The following CALN1 variants were observed in gnomAD, a reference collection of about 807,000 sequenced individuals.
CALN1 encodes calneuron 1.
A neutral mutation model predicts 30.6 loss-of-function variants in CALN1; 17 were observed. That is an observed-to-expected ratio of 0.56 (90% CI 0.38 to 0.83). The LOEUF is 0.83. Ranked by LOEUF, CALN1 falls within the 40% of genes least tolerant of loss-of-function variation. CALN1 has a pLI of 0.00. For missense variants in CALN1, 291 were observed against 354.9 expected, an observed-to-expected ratio of 0.82 and a Z score of 1.45; for synonymous variants, 156 against 131.4, an observed-to-expected ratio of 1.19 and a Z score of -1.28.
At chr7:72,022,632 G>A (rs1169687508) in intron 5 of CALN1, among the ~76,000 whole-genome samples, 2 of 152,136 alleles carry the variant, frequency 1.3e-5, no homozygotes, top group Non-Finnish European at 2.9e-5. Context: ...GGCCTCAAGC[G>A]ATCCTCCTGT....
intron 3 of CALN1, among the ~76,000 whole-genome samples, chr7:72,245,680 C>T (rs1403511855): frequency 6.6e-6 from 1 of 151,714 alleles, no homozygotes; most frequent in African/African-American, 2.4e-5. Context: ...AAAACAAGAT[C>T]AGAGATAGAA....
chr7:71,935,692 G>A (rs1859553), intron 5 of CALN1, among the ~76,000 whole-genome samples: 27,471 of 152,114 alleles, frequency 0.18, 2,530 homozygotes, highest in Middle Eastern at 0.22. Context: ...CTTGCACTCC[G>A]CCTGGGCAAC....
intron 3 of CALN1, among the ~76,000 whole-genome samples, chr7:72,209,894 T>C (rs1425854211): frequency 6.6e-6 from 1 of 152,208 alleles, no homozygotes; most frequent in Non-Finnish European, 1.5e-5. Context: ...GTGAAAATTG[T>C]CTGAGCTGTA....
intron 5 of CALN1, among the ~76,000 whole-genome samples, chr7:71,845,777 G>A (rs553030023): frequency 3.0e-4 from 45 of 152,128 alleles, no homozygotes; most frequent in African/African-American, 5.1e-4. Context: ...ACTCTCATCC[G>A]GGCACAGTGG....
chr7:72,070,727 C>T (rs1417059950), intron 4 of CALN1, among the ~76,000 whole-genome samples: 2 of 152,110 alleles, frequency 1.3e-5, no homozygotes, highest in East Asian at 3.9e-4. Context: ...ATGCTCTGTA[C>T]TTACAACATT....
chr7:72,416,734 C>CAAAA (rs4029798), upstream of CALN1, among the ~76,000 whole-genome samples: 1 of 77,690 alleles, frequency 1.3e-5, no homozygotes, highest in Non-Finnish European at 2.2e-5. Flanking sequence ...GACTCTGTCT[C>CAAAA]AAAAAAAAAA....
At chr7:72,337,235 C>A (rs1248387317) in intron 2 of CALN1, 18 of 985,140 alleles carry the variant, frequency 1.8e-5, no homozygotes, top group Non-Finnish European at 2.0e-5. Flanking sequence ...CAGCACCACA[C>A]TCCTCGCTCT....
At chr7:71,932,768 A>T (rs1282416303) in intron 5 of CALN1, among the ~76,000 whole-genome samples, 3 of 149,698 alleles carry the variant, frequency 2.0e-5, no homozygotes, top group Non-Finnish European at 4.4e-5. Context: ...GTGAGCCGAG[A>T]TCGCATCACT....
chr7:71,882,159 G>A (rs776870294), intron 5 of CALN1, among the ~76,000 whole-genome samples: 7 of 152,106 alleles, frequency 4.6e-5, no homozygotes, highest in Admixed American at 6.5e-5. Flanking sequence ...CCATTTCCTC[G>A]CTTCTTTCAG....
intron 1 of CALN1, among the ~76,000 whole-genome samples, chr7:72,438,632 C>T (rs1371941268): frequency 1.3e-5 from 2 of 152,266 alleles, no homozygotes; most frequent in South Asian, 2.1e-4. Flanking sequence ...GACCTCCTCC[C>T]TCAATCTGGC....
chr7:71,932,630 G>A (rs913394645), intron 5 of CALN1, among the ~76,000 whole-genome samples: 29 of 151,894 alleles, frequency 1.9e-4, no homozygotes, highest in African/African-American at 6.5e-4. Flanking sequence ...TGGCTAACAC[G>A]GTGAAACCCC....
At chr7:72,343,972 T>C (rs1802497719) in intron 2 of CALN1, among the ~76,000 whole-genome samples, 1 of 152,208 alleles carries the variant, frequency 6.6e-6, no homozygotes, top group African/African-American at 2.4e-5. Flanking sequence ...TTAAAGACAC[T>C]GCCTCACTCA....
intron 2 of CALN1, among the ~76,000 whole-genome samples, chr7:72,331,972 G>C (rs1358617807): frequency 1.3e-5 from 2 of 152,086 alleles, no homozygotes; most frequent in East Asian, 3.9e-4. Context: ...TTCAGTTCCT[G>C]CGTTTGCCAA....
chr7:72,359,495 T>C (rs1803431625), intron 2 of CALN1, among the ~76,000 whole-genome samples: 1 of 152,168 alleles, frequency 6.6e-6, no homozygotes, highest in South Asian at 2.1e-4. Flanking sequence ...CTTGACAAGG[T>C]ACTACTTTTA....
At chr7:72,396,968 T>C (rs922809085) in intron 2 of CALN1, among the ~76,000 whole-genome samples, 4 of 151,966 alleles carry the variant, frequency 2.6e-5, no homozygotes, top group African/African-American at 9.7e-5. Context: ...TGGAGTGCAG[T>C]GGCATGATCA....
chr7:71,909,053 G>A (rs1207028883), intron 5 of CALN1, among the ~76,000 whole-genome samples: 1 of 152,192 alleles, frequency 6.6e-6, no homozygotes, highest in Non-Finnish European at 1.5e-5. Flanking sequence ...GTCTTGCTCT[G>A]TTGCCCAGGC....
rs141287726 is a variant in CALN1, at chr7:71,930,465, C to T, written c.501+93192G>A. ...GTTCTTTATACATTCTAGACACAAGCCCTTTATAAAGCTATATGATTTGCA... is the reference window on the plus strand; with the variant it reads ...GTTCTTTATACATTCTAGACACAAGTCCTTTATAAAGCTATATGATTTGCA... On this transcript the variant is annotated intron_variant, in intron 5 of 6. Transcript: ENST00000395275. Among the ~76,000 whole-genome samples the T allele has an allele frequency of 6.2e-3, 946 of 152,222 alleles. 10 individuals are homozygous for T. Among genetic ancestry groups the T allele is most frequent in the African/African-American group, 0.021 (886 of 41,522 alleles).
chr7:72,289,975 G>C (rs959803782), intron 2 of CALN1, among the ~76,000 whole-genome samples: 15 of 151,292 alleles, frequency 9.9e-5, no homozygotes, highest in African/African-American at 3.4e-4. Flanking sequence ...CTACTCAGGA[G>C]GCTGAGGTTG....
At chr7:71,918,758 C>T (rs1048043182) in intron 5 of CALN1, among the ~76,000 whole-genome samples, 1 of 152,152 alleles carries the variant, frequency 6.6e-6, no homozygotes, top group South Asian at 2.1e-4. Context: ...TTCCTACTGT[C>T]CACCAAATGC....
Sources: gnomAD v4.1 joint callset for allele counts (sites outside exome capture counted in the v4.1 genomes callset) on GRCh38, gnomAD v4.1.1 for gene constraint, MANE v1.5 for transcripts, NCBI Gene and HGNC (gene_info 2026-07-23, HGNC 2026-07-21) for gene names.